RAD51B: variants seen among roughly 807,000 people sequenced by gnomAD.
RAD51B encodes DNA repair protein RAD51 homolog 2.
A neutral mutation model predicts 42.2 loss-of-function variants in RAD51B; 38 were observed. The ratio of observed to expected loss-of-function variants is 0.90; its 90% CI spans 0.70 to 1.18. The LOEUF (loss-of-function observed/expected upper bound fraction) is 1.18. Among genes scored for constraint, RAD51B ranks in the 50% most tolerant of loss-of-function variants. RAD51B has a pLI of 0.00. For synonymous variants in RAD51B, 154 were observed against 145.2 expected (o/e 1.06, Z -0.43); for missense variants, 373 against 400.7 (o/e 0.93, Z 0.59).
intron 7 of RAD51B, among the ~76,000 whole-genome samples, chr14:67,919,043 A>G (rs2044242509): frequency 6.6e-6 from 1 of 152,184 alleles, no homozygotes; most frequent in Non-Finnish European, 1.5e-5. Context: ...AAGCCTAGAG[A>G]TGACTAGTAC....
intron 11 of RAD51B, among the ~76,000 whole-genome samples, chr14:68,673,964 A>G (rs987767938): frequency 1.1e-4 from 16 of 152,054 alleles, no homozygotes; most frequent in Admixed American, 2.0e-4. Context: ...ACATCTATAC[A>G]TGCACACACA....
chr14:67,932,906 GC>G lies in RAD51B; in HGVS notation c.756+45706del, dbSNP rs138532331. On this transcript the variant is annotated intron_variant, in intron 7 of 10. Transcript: ENST00000471583. ...CAGCTCCTCCGGCTTGTCCACCCTG[GC>G]CCCTGGCAATAGCAGCAGTGGCAGC... Among the ~76,000 whole-genome samples, 1,052 of 152,240 alleles carry G rather than the reference GC, an allele frequency of 6.9e-3. 12 individuals carry two copies. Among genetic ancestry groups the G allele is most frequent in the African/African-American group, 0.024 (988 of 41,522 alleles).
chr14:68,108,067 T>C (rs537590861), intron 7 of RAD51B, among the ~76,000 whole-genome samples: 1 of 151,764 alleles, frequency 6.6e-6, no homozygotes, highest in Non-Finnish European at 1.5e-5. Context: ...AATAAGCACA[T>C]GAAAATATGC....
intron 7 of RAD51B, among the ~76,000 whole-genome samples, chr14:68,173,758 C>T (rs550729522): frequency 1.2e-4 from 19 of 152,168 alleles, no homozygotes; most frequent in Admixed American, 7.2e-4. Context: ...AACCATTCAA[C>T]TGCACAGATA....
At chr14:67,877,097 AT>A (rs966366258) in intron 5 of RAD51B, among the ~76,000 whole-genome samples, 15 of 149,988 alleles carry the variant, frequency 1.0e-4, no homozygotes, top group Non-Finnish European at 1.5e-4. Context: ...GCAAGAAGAA[AT>A]TTTTTTTTTA....
At chr14:67,902,047 TAAATG>T (rs908586507) in intron 7 of RAD51B, among the ~76,000 whole-genome samples, 1 of 152,112 alleles carries the variant, frequency 6.6e-6, no homozygotes, top group Non-Finnish European at 1.5e-5. Flanking sequence ...TACATTTATA[TAAATG>T]AAATGAAAAA....
At chr14:68,011,451 T>C (rs2075682496) in intron 7 of RAD51B, among the ~76,000 whole-genome samples, 1 of 152,066 alleles carries the variant, frequency 6.6e-6, no homozygotes, top group Non-Finnish European at 1.5e-5. Flanking sequence ...TTTCCTAATT[T>C]GGAACCTTGG....
At position 67,825,574 on chromosome 14, in the gene RAD51B, A is replaced by G. The variant is rs976915056; in HGVS notation, c.195A>G (p.Gln65=). The change falls in exon 3 of 11, where the codon CAA becomes CAG. Residue 65 remains glutamine (Q), a synonymous_variant. Transcript: ENST00000471583. ...GCAGGGCCTGTGCCCCAAAGATGCA[A>G]ACGGTATATTTATATTTTATTATGA... ...MVSRACAPKM[Q]TAYGIKAQRS... 1.0e-5 allele frequency: 16 copies of G among 1,586,078 alleles called. No homozygotes were observed. The highest frequency in any genetic ancestry group is 4.1e-5 in the African/African-American group (3 of 73,716).
intron 10 of RAD51B, chr14:68,471,984 G>C (rs2086139095): frequency 6.6e-6 from 1 of 152,280 alleles, no homozygotes; most frequent in Non-Finnish European, 1.5e-5. Context: ...GGGGTAGGAG[G>C]GGATCTCATG....
rs1415003343 is a variant in RAD51B at position 68,669,507 on chromosome 14, T to G, written c.*11+18651T>G. ...AGACATTTGCCCACAGCTTGAACCA[T>G]GGCTTTGGGAAGACTCTTTGTTCTT... On this transcript the variant is annotated intron_variant, in intron 11 of 11. Transcript: ENST00000488612. Among the ~76,000 whole-genome samples, 8 of 152,280 alleles carry G rather than the reference T, an allele frequency of 5.3e-5. No homozygotes were observed. In the East Asian group the frequency reaches 1.5e-3, roughly 29 times the overall value.
chr14:68,331,723 G>A (rs531479094), intron 8 of RAD51B, among the ~76,000 whole-genome samples: 2 of 152,294 alleles, frequency 1.3e-5, no homozygotes, highest in South Asian at 4.1e-4. Flanking sequence ...ATCCAGGAGG[G>A]TTTCCAGCTT....
At chr14:68,318,060 A>G (rs1361498316) in intron 8 of RAD51B, among the ~76,000 whole-genome samples, 1 of 152,210 alleles carries the variant, frequency 6.6e-6, no homozygotes, top group Non-Finnish European at 1.5e-5. Flanking sequence ...TGATGTGATT[A>G]GTTTTCTTCT....
At chr14:68,109,844 T>A (rs192797006) in intron 7 of RAD51B, among the ~76,000 whole-genome samples, 1 of 152,150 alleles carries the variant, frequency 6.6e-6, no homozygotes, top group African/African-American at 2.4e-5. Flanking sequence ...TAGCCTCTCG[T>A]CAGATTGAAT....
intron 7 of RAD51B, among the ~76,000 whole-genome samples, chr14:68,012,437 T>C (rs1450000861): frequency 6.6e-6 from 1 of 151,728 alleles, no homozygotes; most frequent in African/African-American, 2.4e-5. Context: ...GAATTTTATA[T>C]ATATATATCT....
chr14:68,629,815 A>G (rs1001191966), intron 10 of RAD51B, among the ~76,000 whole-genome samples: 1 of 152,228 alleles, frequency 6.6e-6, no homozygotes, highest in Non-Finnish European at 1.5e-5. Context: ...CACATTTCAC[A>G]TATTGTTACA....
intron 7 of RAD51B, among the ~76,000 whole-genome samples, chr14:67,926,522 TAGAC>T (rs1280978164): frequency 6.6e-6 from 1 of 151,004 alleles, no homozygotes; most frequent in Non-Finnish European, 1.5e-5. Flanking sequence ...TCTTTTAAAA[TAGAC>T]AGATCATGCC....
chr14:68,386,217 T>C (rs969068216), intron 8 of RAD51B, among the ~76,000 whole-genome samples: 3 of 152,184 alleles, frequency 2.0e-5, no homozygotes, highest in Non-Finnish European at 2.9e-5. Flanking sequence ...GCTTTTGTGC[T>C]GTGGGTTCCA....
At position 67,823,569 on chromosome 14, in the gene RAD51B, T is replaced by A; in HGVS notation, c.26T>A (p.Val9Glu). The A allele has an allele frequency of 6.2e-7, 1 of 1,613,802 alleles. No individual in the cohort carries two copies. Among genetic ancestry groups the A allele is most frequent in the Non-Finnish European group, 8.5e-7 (1 of 1,179,860 alleles). MGSKKLKRVGLSQELCDRL... is the reference protein window; with the variant it reads MGSKKLKREGLSQELCDRL... Reference sequence around the variant, plus strand: ...ATGGGTAGCAAGAAACTAAAACGAGTGGGTTTATCACAAGAGCTGTGTGAC... The same window carrying A: ...ATGGGTAGCAAGAAACTAAAACGAGAGGGTTTATCACAAGAGCTGTGTGAC... The change falls in exon 2 of 11, where the codon GTG (valine) becomes GAG (glutamate). Residue 9 changes from valine to glutamate, a missense_variant. By Grantham distance (121) the Val-to-Glu change is moderately radical. Coordinates refer to ENST00000471583, the MANE Select transcript of RAD51B (RefSeq NM_133510.4).
chr14:68,091,025 A>G (rs1436753412), intron 7 of RAD51B, among the ~76,000 whole-genome samples: 2 of 152,006 alleles, frequency 1.3e-5, no homozygotes, highest in Non-Finnish European at 2.9e-5. Context: ...TACAAAGGAC[A>G]TGAACTCATC....
Sources: gnomAD v4.1 joint callset for allele counts (sites outside exome capture counted in the v4.1 genomes callset) on GRCh38, gnomAD v4.1.1 for gene constraint, MANE v1.5 for transcripts, NCBI Gene and HGNC (gene_info 2026-07-23, HGNC 2026-07-21) for gene names.